The following TRPM3 variants were observed in gnomAD, a reference collection of about 807,000 sequenced individuals.
TRPM3 encodes long transient receptor potential channel 3.
TRPM3 carries 77 observed loss-of-function variants against 181.2 expected under a neutral mutation model. The ratio of observed to expected loss-of-function variants is 0.42; its 90% CI spans 0.35 to 0.51. The LOEUF (loss-of-function observed/expected upper bound fraction) is 0.51, where lower values mean the gene tolerates loss of function less well. Ranked by LOEUF, TRPM3 falls within the 20% of genes least tolerant of loss-of-function variation. The pLI is 0.01. For missense variants in TRPM3, 1,759 were observed against 2,196.7 expected (o/e 0.80, Z 3.98); for synonymous variants, 745 against 796.4 (o/e 0.94, Z 1.09).
chr9:70,569,606 C>T (rs2132135826), intron 22 of TRPM3, among the ~76,000 whole-genome samples: 1 of 152,268 alleles, frequency 6.6e-6, no homozygotes, highest in African/African-American at 2.4e-5. Flanking sequence ...GCTTTATCAA[C>T]TGGTAGAAGT....
intron 22 of TRPM3, among the ~76,000 whole-genome samples, chr9:70,582,214 T>A (rs1374300507): frequency 7.1e-6 from 1 of 141,774 alleles, no homozygotes; most frequent in East Asian, 2.0e-4. Flanking sequence ...GTGTGTGTCA[T>A]GAATCCATGA....
chr9:71,360,928 T>C (rs969524746), intron 1 of TRPM3, among the ~76,000 whole-genome samples: 6 of 152,220 alleles, frequency 3.9e-5, no homozygotes, highest in Non-Finnish European at 5.9e-5. Context: ...GGTAGACATA[T>C]GGCAGTTCAT....
chr9:70,611,832 A>G (rs2062039890), intron 18 of TRPM3, among the ~76,000 whole-genome samples: 1 of 152,162 alleles, frequency 6.6e-6, no homozygotes, highest in Non-Finnish European at 1.5e-5. Context: ...GCTGCTGGAA[A>G]TTTCCTTGAG....
At chr9:71,106,619 C>T (rs2069652104) in intron 1 of TRPM3, among the ~76,000 whole-genome samples, 1 of 152,154 alleles carries the variant, frequency 6.6e-6, no homozygotes, top group African/African-American at 2.4e-5. Flanking sequence ...ATTACCCAGC[C>T]TCAGGTATTC....
intron 1 of TRPM3, among the ~76,000 whole-genome samples, chr9:71,399,610 G>A (rs950291411): frequency 3.4e-4 from 47 of 139,430 alleles, no homozygotes; most frequent in African/African-American, 1.0e-3. Context: ...CTCACTGCAA[G>A]CTCCACCTCC....
At chr9:70,548,062 CT>C (rs1243905177) in intron 25 of TRPM3, among the ~76,000 whole-genome samples, 5 of 152,142 alleles carry the variant, frequency 3.3e-5, no homozygotes, top group Admixed American at 1.3e-4. Context: ...TATGGCTTTT[CT>C]GAATTTAAAA....
Position 70,761,588 on chromosome 9 carries a change from C to A in TRPM3, c.1272+13G>T, listed in dbSNP as rs555820747. 8 of 1,613,876 alleles carry A rather than the reference C, an allele frequency of 5.0e-6. No homozygotes were observed. The African/African-American group carries it at 8.0e-5, about 16-fold the overall frequency. On this transcript the variant is annotated intron_variant, in intron 8 of 25. Coordinates refer to ENST00000677713, the MANE Select transcript of TRPM3 (RefSeq NM_001366145.2). ...ATGTGGAGACAGCTGGCCACCCATG[C>A]GGAATTACCTACCAATTCCTTCTTC...
chr9:70,768,846 G>T (rs1181839845), intron 7 of TRPM3, among the ~76,000 whole-genome samples: 1 of 152,036 alleles, frequency 6.6e-6, no homozygotes, highest in East Asian at 1.9e-4. Flanking sequence ...TCTCTTTAAG[G>T]CTTCATCTTC....
At chr9:71,171,987 C>T (rs1446399147) in intron 1 of TRPM3, among the ~76,000 whole-genome samples, 1 of 152,134 alleles carries the variant, frequency 6.6e-6, no homozygotes, top group Non-Finnish European at 1.5e-5. Flanking sequence ...CAGCATCAAC[C>T]TCCTGGGCTG....
intron 9 of TRPM3, among the ~76,000 whole-genome samples, chr9:70,672,327 G>C (rs1478199422): frequency 1.3e-5 from 2 of 152,100 alleles, no homozygotes; most frequent in Non-Finnish European, 2.9e-5. Context: ...CCTTCTGATT[G>C]GGGTTTTCTC....
At chr9:71,269,049 G>A (rs1014353081) in intron 1 of TRPM3, among the ~76,000 whole-genome samples, 6 of 152,198 alleles carry the variant, frequency 3.9e-5, no homozygotes, top group South Asian at 4.2e-4. Context: ...ACACGGGGGC[G>A]GGCAGAGGTA....
chr9:70,820,708 C>T lies in TRPM3; in HGVS notation c.973+7139G>A, dbSNP rs536020984. On this transcript the variant is annotated intron_variant, in intron 6 of 25. Coordinates refer to ENST00000677713, the MANE Select transcript of TRPM3 (RefSeq NM_001366145.2). Reference sequence around the variant, plus strand: ...ACTGCCACATGACAGAATCATATCTCGACTCCTTTAATCACAACGACTCCT... The same window carrying T: ...ACTGCCACATGACAGAATCATATCTTGACTCCTTTAATCACAACGACTCCT... Among the ~76,000 whole-genome samples, 39 of 152,194 alleles carry T rather than the reference C, an allele frequency of 2.6e-4. 1 individual carries two copies. Among genetic ancestry groups the T allele is most frequent in the South Asian group, 8.3e-4 (4 of 4,810 alleles).
intron 4 of TRPM3, among the ~76,000 whole-genome samples, chr9:70,844,404 G>T (rs1225127400): frequency 1.3e-5 from 2 of 150,854 alleles, no homozygotes; most frequent in Non-Finnish European, 2.9e-5. Flanking sequence ...TCTTATCTAT[G>T]AATCTTCTGA....
chr9:71,201,336 C>G (rs1302519668), intron 1 of TRPM3, among the ~76,000 whole-genome samples: 1 of 152,082 alleles, frequency 6.6e-6, no homozygotes, highest in East Asian at 1.9e-4. Context: ...TTTGGTGAAT[C>G]TGACAATTAT....
chr9:70,842,496 A>C (rs2094741497), intron 5 of TRPM3, among the ~76,000 whole-genome samples: 2 of 152,122 alleles, frequency 1.3e-5, no homozygotes, highest in African/African-American at 2.4e-5. Flanking sequence ...GCCACTTTTA[A>C]AAAAAATTTT....
intron 1 of TRPM3, among the ~76,000 whole-genome samples, chr9:71,261,282 C>A (rs113228109): frequency 6.6e-6 from 1 of 152,096 alleles, no homozygotes; most frequent in Non-Finnish European, 1.5e-5. Flanking sequence ...TCCTTTCTTC[C>A]GCTGGATTGA....
At chr9:70,761,514 T>C in intron 8 of TRPM3, 87 bp downstream of exon 8, 1 of 1,588,852 alleles carries the variant, frequency 6.3e-7, no homozygotes, top group Non-Finnish European at 8.6e-7. Context: ...AAAGAGAGAA[T>C]GTTGCATGAT....
At chr9:71,134,631 T>C (rs2074653872) in intron 1 of TRPM3, among the ~76,000 whole-genome samples, 2 of 151,408 alleles carry the variant, frequency 1.3e-5, no homozygotes, top group Non-Finnish European at 2.9e-5. Flanking sequence ...TGCCTTCAAA[T>C]CCCTGTCACC....
Position 70,820,686 on chromosome 9 carries a change from G to T in TRPM3, c.973+7161C>A, listed in dbSNP as rs547371699. The stretch of plus-strand genomic sequence containing the variant: ...GGAAAGGAATCAATGTTTTTGAACT[G>T]CCACATGACAGAATCATATCTCGAC... On this transcript the variant is annotated intron_variant, in intron 6 of 25. Transcript: ENST00000677713. Among the ~76,000 whole-genome samples, 4 of 152,232 alleles carry T rather than the reference G, an allele frequency of 2.6e-5. No individual in the cohort carries two copies. The South Asian group carries it at 6.2e-4, about 24-fold the overall frequency.
Sources: allele counts gnomAD v4.1 joint callset (sites outside exome capture counted in the v4.1 genomes callset), GRCh38; gene constraint gnomAD v4.1.1; transcripts MANE v1.5; gene names NCBI Gene and HGNC (gene_info 2026-07-23, HGNC 2026-07-21).